The following PRDM11 variants were observed in gnomAD, a reference collection of about 807,000 sequenced individuals.
PRDM11 encodes PR domain-containing protein 11.
In PRDM11, 20 loss-of-function variants were observed where a neutral mutation model predicts 97.8. The ratio of observed to expected loss-of-function variants is 0.20; its 90% confidence interval spans 0.14 to 0.30. PRDM11 has a LOEUF of 0.30. Among genes scored for constraint, PRDM11 ranks in the 10% least tolerant of loss-of-function variants. PRDM11 has a pLI of 1.00. For missense variants in PRDM11, 1,139 were observed against 1,555.2 expected (o/e 0.73, Z 4.50); for synonymous variants, 599 against 637.7 (o/e 0.94, Z 0.91).
chr11:45,188,979 G>T (rs185832608), intron 4 of PRDM11, among the ~76,000 whole-genome samples: 1 of 152,284 alleles, frequency 6.6e-6, no homozygotes, highest in South Asian at 2.1e-4. Flanking sequence ...TCAGCTCACC[G>T]CAACCTCTGC....
upstream of PRDM11, among the ~76,000 whole-genome samples, chr11:45,144,271 A>T (rs1300254580): frequency 6.6e-6 from 1 of 152,224 alleles, no homozygotes; most frequent in Non-Finnish European, 1.5e-5. Flanking sequence ...CTCAGGCGAC[A>T]GGTTGGGACT....
intron 1 of PRDM11, among the ~76,000 whole-genome samples, chr11:45,125,982 T>G (rs1472494875): frequency 6.6e-6 from 1 of 152,230 alleles, no homozygotes; most frequent in Non-Finnish European, 1.5e-5. Context: ...TCTAAGTCTC[T>G]TTGTAGTTCA....
rs528600983 is a variant in PRDM11, at chr11:45,211,036, C to T, written c.554+6258C>T. Among the ~76,000 whole-genome samples, 4 of 152,336 alleles carry T rather than the reference C, an allele frequency of 2.6e-5. No individual in the cohort carries two copies. In the South Asian group the frequency reaches 6.2e-4, roughly 24 times the overall value. On this transcript the variant is annotated intron_variant, in intron 5 of 7. Transcript: ENST00000683152. ...CCATCAGGCAGAGCCCGCTCACCCC[C>T]ATGGCAGGCTCACAGCCCTCCTTTT...
At position 45,228,684 on chromosome 11, in the gene PRDM11, G is replaced by C. The variant is rs377065149; in HGVS notation, c.*525G>C. ...GAATCAGATCTCTGACTTAAGTCAGGGTGGGTTGTCTGTCTGCATTTGGGA... is the reference window on the plus strand; with the variant it reads ...GAATCAGATCTCTGACTTAAGTCAGCGTGGGTTGTCTGTCTGCATTTGGGA... On this transcript the variant is annotated 3_prime_UTR_variant, in exon 8 of 8. Coordinates refer to ENST00000683152, the MANE Select transcript of PRDM11 (RefSeq NM_001384648.1). The C allele has an allele frequency of 4.6e-5, 7 of 152,176 alleles. No homozygotes were observed. The South Asian group carries it at 8.3e-4, about 18-fold the overall frequency. 9.4% of individuals were successfully genotyped at this position (152,176 alleles called of 1,614,324 possible).
chr11:45,212,764 G>C (rs1291224149), intron 5 of PRDM11: 1 of 456,432 alleles, frequency 2.2e-6, no homozygotes, highest in Admixed American at 2.3e-5. Context: ...AGTTCTGCCA[G>C]GAGCTGGTGA....
At chr11:45,150,744 G>A (rs544823269) in intron 1 of PRDM11, among the ~76,000 whole-genome samples, 6 of 152,352 alleles carry the variant, frequency 3.9e-5, no homozygotes, top group African/African-American at 1.4e-4. Context: ...ATATGATTCA[G>A]TGAAGGGGCT....
chr11:45,225,565 G>A (rs565195297), intron 7 of PRDM11, among the ~76,000 whole-genome samples: 1 of 152,140 alleles, frequency 6.6e-6, no homozygotes, highest in Non-Finnish European at 1.5e-5. Context: ...ATCACTTGGG[G>A]CCATATCCAA....
intron 1 of PRDM11, among the ~76,000 whole-genome samples, chr11:45,175,165 C>T (rs1378253398): frequency 1.3e-5 from 2 of 152,220 alleles, no homozygotes; most frequent in African/African-American, 4.8e-5. Flanking sequence ...CCATAGTTTA[C>T]ATTAGGGTTC....
rs1354450478 is a variant in PRDM11, at chr11:45,234,191, GCTCGCAGTTTCCT to G, written c.*6036_*6048del. On this transcript the variant is annotated 3_prime_UTR_variant, in exon 8 of 8. Transcript: ENST00000683152. ...CCTGACGGGACCCAGAAGCCCATTT[GCTCGCAGTTTCCT>G]CTCTCTGTTTTTTTCCTCCTGGAGG... 6.6e-6 allele frequency: 1 copy of G among 152,302 alleles called. No individual in the cohort carries two copies. The highest frequency in any genetic ancestry group is 1.5e-5 in the Non-Finnish European group (1 of 68,094). The allele number at this position is 152,302 out of a possible 1,614,324, so 9.4% of individuals were successfully genotyped here.
intron 1 of PRDM11, among the ~76,000 whole-genome samples, chr11:45,137,708 A>G: frequency 6.6e-6 from 1 of 152,192 alleles, no homozygotes; most frequent in East Asian, 1.9e-4. Context: ...GTGCAACTGA[A>G]CTCCAATCCA....
At chr11:45,166,503 G>A (rs1175444770) in intron 1 of PRDM11, among the ~76,000 whole-genome samples, 2 of 152,224 alleles carry the variant, frequency 1.3e-5, no homozygotes, top group African/African-American at 4.8e-5. Flanking sequence ...CCCATGGAGT[G>A]GAGCATTGGA....
chr11:45,213,423 G>T (rs1387437048), intron 5 of PRDM11: 1 of 446,180 alleles, frequency 2.2e-6, no homozygotes, highest in Non-Finnish European at 4.6e-6. Context: ...TCCCACATGT[G>T]ACCTCCCAGG....
chr11:45,156,587 A>G (rs1428484073), intron 1 of PRDM11, among the ~76,000 whole-genome samples: 1 of 152,256 alleles, frequency 6.6e-6, no homozygotes, highest in Non-Finnish European at 1.5e-5. Flanking sequence ...TTGCCACATC[A>G]TTTTTAATTT....
intron 1 of PRDM11, among the ~76,000 whole-genome samples, chr11:45,158,894 T>G (rs758436980): frequency 1.3e-5 from 2 of 152,166 alleles, no homozygotes; most frequent in Non-Finnish European, 2.9e-5. Context: ...AGGTTGTCCG[T>G]GTCCGGGTCC....
At chr11:45,203,556 A>G (rs564031211) in intron 4 of PRDM11, among the ~76,000 whole-genome samples, 3 of 152,108 alleles carry the variant, frequency 2.0e-5, no homozygotes, top group Admixed American at 2.0e-4. Flanking sequence ...GAGTGCCCAG[A>G]ATAATAAAGA....
intron 1 of PRDM11, among the ~76,000 whole-genome samples, chr11:45,119,397 T>A (rs1472154473): frequency 1.3e-5 from 2 of 151,554 alleles, no homozygotes; most frequent in African/African-American, 2.4e-5. Flanking sequence ...GGAGGCCGAG[T>A]TGGGCGGATC....
chr11:45,119,044 T>C (rs2135622975), intron 1 of PRDM11, among the ~76,000 whole-genome samples: 2 of 152,248 alleles, frequency 1.3e-5, no homozygotes, highest in Middle Eastern at 3.4e-3. Context: ...CTGCAATGAT[T>C]TATAACCTAA....
intron 1 of PRDM11, among the ~76,000 whole-genome samples, chr11:45,157,167 A>G (rs1851818430): frequency 6.6e-6 from 1 of 152,164 alleles, no homozygotes; most frequent in Non-Finnish European, 1.5e-5. Flanking sequence ...TAGGTGGCTT[A>G]GAGCAGTGGT....
intron 1 of PRDM11, among the ~76,000 whole-genome samples, chr11:45,154,316 AC>A (rs1348685661): frequency 1.3e-5 from 2 of 152,198 alleles, no homozygotes; most frequent in Non-Finnish European, 2.9e-5. Context: ...AGATCGCACC[AC>A]TGTACTCCTG....
Sources: allele counts gnomAD v4.1 joint callset (sites outside exome capture counted in the v4.1 genomes callset), GRCh38; gene constraint gnomAD v4.1.1; transcripts MANE v1.5; gene names NCBI Gene and HGNC (gene_info 2026-07-23, HGNC 2026-07-21).